Variants in AATF observed in about 807,000 individuals in gnomAD.
The protein encoded by AATF is protein AATF.
A neutral mutation model predicts 63.7 loss-of-function variants in AATF; 48 were observed. That is an observed-to-expected ratio of 0.75 (90% confidence interval 0.60 to 0.96). The LOEUF (loss-of-function observed/expected upper bound fraction) is 0.96. Among genes scored for constraint, AATF ranks in the 40% least tolerant of loss-of-function variants. The pLI is 0.00. For missense variants in AATF, 639 were observed against 685.7 expected (o/e 0.93, Z 0.76); for synonymous variants, 258 against 247.7 (o/e 1.04, Z -0.39).
In AATF at chr17:37,056,725, A is replaced by G. The variant is rs1232882405; in HGVS notation, c.*61A>G. On this transcript the variant is annotated 3_prime_UTR_variant, in exon 12 of 12. Coordinates refer to ENST00000619387, the MANE Select transcript of AATF (RefSeq NM_012138.4). ...CTGGTGCGGCTGCTGGTCCAGATGG[A>G]GGAAACCAGTGACTTTATGGGGCTG... is the stretch of plus-strand genomic sequence containing the variant. 9.6e-6 allele frequency: 15 copies of G among 1,557,190 alleles called. No homozygotes were observed. Among genetic ancestry groups the G allele is most frequent in the African/African-American group, 8.1e-5 (6 of 73,788 alleles).
Position 36,986,650 on chromosome 17 carries a change from T to C in AATF, c.866T>C (p.Leu289Ser). The C allele has an allele frequency of 6.2e-7, 1 of 1,614,150 alleles. No individual in the cohort carries two copies. The highest frequency in any genetic ancestry group is 8.5e-7 in the Non-Finnish European group (1 of 1,180,008). Residue 289 changes from leucine to serine, a missense_variant, in exon 5 of 12, where the codon TTG becomes TCG. Coordinates refer to ENST00000619387, the MANE Select transcript of AATF (RefSeq NM_012138.4). The part of the protein sequence containing the change: ...HKALKALLRS[L>S]VGLQEELLFQ... ...GCACTTAAAGCATTGTTGAGGTCAT[T>C]GGTAGGTCTTCAGGAAGAGTTGCTT...
At chr17:37,016,558 AC>A (rs2071430055) in intron 8 of AATF, among the ~76,000 whole-genome samples, 1 of 152,238 alleles carries the variant, frequency 6.6e-6, no homozygotes, top group Admixed American at 6.5e-5. Flanking sequence ...ATAGAAAATT[AC>A]TACAAATACT....
intron 4 of AATF, among the ~76,000 whole-genome samples, chr17:36,967,952 C>T (rs1273352805): frequency 6.8e-6 from 1 of 147,064 alleles, no homozygotes. Flanking sequence ...TAGCGTAGAT[C>T]TGTTTTTGTC....
chr17:37,032,159 T>A (rs2071556766), intron 11 of AATF, among the ~76,000 whole-genome samples: 1 of 152,238 alleles, frequency 6.6e-6, no homozygotes, highest in African/African-American at 2.4e-5. Context: ...TGTATGCTCA[T>A]AATATTACCG....
chr17:36,995,928 T>G (rs1441166998), intron 8 of AATF, among the ~76,000 whole-genome samples: 1 of 152,180 alleles, frequency 6.6e-6, no homozygotes, highest in Non-Finnish European at 1.5e-5. Flanking sequence ...TGATGGTTAA[T>G]AACATGTTTT....
At chr17:37,039,715 A>G (rs1003548911) in intron 11 of AATF, among the ~76,000 whole-genome samples, 1 of 152,188 alleles carries the variant, frequency 6.6e-6, no homozygotes, top group Admixed American at 6.5e-5. Flanking sequence ...AGGACAAAGG[A>G]AACACTCTCA....
rs758028421 is a variant in AATF, at chr17:36,949,203, G to T, written c.78G>T (p.Ala26=). 12 of 1,591,612 alleles carry T rather than the reference G, an allele frequency of 7.5e-6. No homozygotes were observed. The highest frequency in any genetic ancestry group is 1.0e-5 in the Non-Finnish European group (12 of 1,170,782). The change falls in exon 1 of 12, where the codon GCG becomes GCT. Residue 26 remains alanine, a synonymous_variant. Coordinates refer to ENST00000619387, the MANE Select transcript of AATF (RefSeq NM_012138.4). The part of the protein sequence containing the change: ...NPRPSEADPE[A]DPEEATAARV... Reference sequence around the variant, plus strand: ...GACCAAGCGAGGCGGACCCTGAAGCGGACCCCGAGGAAGGTGAGGCCGGAC... The same window carrying T: ...GACCAAGCGAGGCGGACCCTGAAGCTGACCCCGAGGAAGGTGAGGCCGGAC...
intron 11 of AATF, among the ~76,000 whole-genome samples, chr17:37,051,933 A>G (rs1271977868): frequency 6.6e-6 from 1 of 152,250 alleles, no homozygotes; most frequent in Non-Finnish European, 1.5e-5. Flanking sequence ...AGTGCTCATT[A>G]CTTGCTTTTG....
At chr17:37,036,801 G>GT (rs1055986034) in intron 11 of AATF, among the ~76,000 whole-genome samples, 9 of 152,052 alleles carry the variant, frequency 5.9e-5, no homozygotes, top group African/African-American at 1.9e-4. Flanking sequence ...CTCTTCTCCA[G>GT]TATGAGGTTA....
intron 4 of AATF, among the ~76,000 whole-genome samples, chr17:36,965,344 C>T (rs748303449): frequency 3.3e-5 from 5 of 152,100 alleles, no homozygotes; most frequent in Non-Finnish European, 5.9e-5. Context: ...TCTTTAAAAC[C>T]AGCAATTCCA....
intron 4 of AATF, among the ~76,000 whole-genome samples, chr17:36,960,895 T>C (rs559225022): frequency 6.6e-6 from 1 of 152,286 alleles, no homozygotes; most frequent in Admixed American, 6.5e-5. Flanking sequence ...GTTCTAATTA[T>C]AAAAGTATGT....
intron 10 of AATF, among the ~76,000 whole-genome samples, chr17:37,031,188 T>C (rs2071549213): frequency 6.6e-6 from 1 of 152,120 alleles, no homozygotes; most frequent in Non-Finnish European, 1.5e-5. Context: ...GAAAGGAATG[T>C]CTGTACCTGT....
chr17:37,052,103 T>A (rs1235045904), intron 11 of AATF, among the ~76,000 whole-genome samples: 3 of 152,114 alleles, frequency 2.0e-5, no homozygotes, highest in African/African-American at 7.2e-5. Flanking sequence ...CCACTGACCA[T>A]GAGTGTGTGT....
At chr17:37,049,992 A>C (rs1208100461) in intron 11 of AATF, among the ~76,000 whole-genome samples, 2 of 152,072 alleles carry the variant, frequency 1.3e-5, no homozygotes, top group Admixed American at 6.5e-5. Context: ...TGGCAAATGG[A>C]GGGCTCATAG....
chr17:37,021,498 G>C (rs886356340), intron 10 of AATF, among the ~76,000 whole-genome samples: 1 of 151,964 alleles, frequency 6.6e-6, no homozygotes, highest in African/African-American at 2.4e-5. Flanking sequence ...GTGTGGTGGC[G>C]GGTGCCTATA....
intron 11 of AATF, among the ~76,000 whole-genome samples, chr17:37,035,122 TA>T (rs555568603): frequency 9.4e-4 from 133 of 142,130 alleles, no homozygotes; most frequent in Admixed American, 9.8e-4. Flanking sequence ...AGACTCCATT[TA>T]AAAAAAAAAA....
chr17:36,952,918 G>A lies in AATF; in HGVS notation c.316G>A (p.Asp106Asn). 6.2e-7 allele frequency: 1 copy of A among 1,614,186 alleles called. No individual in the cohort carries two copies. Among genetic ancestry groups the A allele is most frequent in the South Asian group, 1.1e-5 (1 of 91,084 alleles). Reference sequence around the variant, plus strand: ...AATATCTGATGAGGAAGGGTCTGGAGATGAAGATTCAGAGGGACTGGGTCT... The same window carrying A: ...AATATCTGATGAGGAAGGGTCTGGAAATGAAGATTCAGAGGGACTGGGTCT... ...EEISDEEGSGDEDSEGLGLEE... is the reference protein window; with the variant it reads ...EEISDEEGSGNEDSEGLGLEE... Residue 106 changes from aspartate (D) to asparagine (N), a missense_variant, in exon 3 of 12, where the codon GAT becomes AAT. Coordinates refer to ENST00000619387, the MANE Select transcript of AATF (RefSeq NM_012138.4).
Position 37,035,174 on chromosome 17 carries a change from C to T in AATF, c.1619+3489C>T, listed in dbSNP as rs536321587. The stretch of plus-strand genomic sequence containing the variant: ...TTTCAAGGGCCAAAAACCATAAGCA[C>T]TTTCAACCTAATCAAAGAAATGCAA... On this transcript the variant is annotated intron_variant, in intron 11 of 11. Transcript: ENST00000619387. 5.6e-4 allele frequency among the ~76,000 whole-genome samples: 85 copies of T among 151,676 alleles called. 1 individual carries two copies. The highest frequency in any genetic ancestry group is 2.0e-3 in the African/African-American group (84 of 41,452).
Position 37,033,808 on chromosome 17 carries a change from C to T in AATF, c.1619+2123C>T, listed in dbSNP as rs140415109. On this transcript the variant is annotated intron_variant, in intron 11 of 11. Coordinates refer to ENST00000619387, the MANE Select transcript of AATF (RefSeq NM_012138.4). ...TCCCAAGATGGCTGTTGCAACTTAA[C>T]GCCATCAAACATGCATTCAAGGCAG... 70 of 154,338 alleles carry T rather than the reference C, an allele frequency of 4.5e-4. 1 individual carries two copies. The East Asian group carries it at 9.7e-3, about 21-fold the overall frequency. The allele number at this position is 154,338 out of a possible 1,614,324, so 9.6% of individuals were successfully genotyped here.
Sources: allele counts gnomAD v4.1 joint callset (sites outside exome capture counted in the v4.1 genomes callset), GRCh38; gene constraint gnomAD v4.1.1; transcripts MANE v1.5; gene names NCBI Gene and HGNC (gene_info 2026-07-23, HGNC 2026-07-21).